The following PDS5B variants were observed in gnomAD, a reference collection of about 807,000 sequenced individuals.
PDS5B encodes sister chromatid cohesion protein PDS5 homolog B.
A neutral mutation model predicts 184.1 loss-of-function variants in PDS5B; 51 were observed. The observed-to-expected ratio is 0.28, with a 90% CI of 0.22 to 0.35. The LOEUF is 0.35. Ranked by LOEUF, PDS5B falls within the 10% of genes least tolerant of loss-of-function variation. The pLI is 1.00. For synonymous variants in PDS5B, 566 were observed against 569.2 expected, an observed-to-expected ratio of 0.99 and a Z score of 0.08; for missense variants, 1,180 against 1,723.3, an observed-to-expected ratio of 0.68 and a Z score of 5.58.
chr13:32,654,152 T>C (rs1950438932), intron 3 of PDS5B, among the ~76,000 whole-genome samples: 1 of 152,216 alleles, frequency 6.6e-6, no homozygotes, highest in Non-Finnish European at 1.5e-5. Context: ...GGGATAGTAC[T>C]TAAAATTACT....
intron 1 of PDS5B, among the ~76,000 whole-genome samples, chr13:32,618,640 T>C (rs2058252870): frequency 6.6e-6 from 1 of 152,232 alleles, no homozygotes; most frequent in African/African-American, 2.4e-5. Context: ...TTTTACTTTT[T>C]TTGGTGTCTT....
intron 1 of PDS5B, among the ~76,000 whole-genome samples, chr13:32,611,323 C>G (rs569726737): frequency 6.6e-6 from 1 of 152,136 alleles, no homozygotes; most frequent in African/African-American, 2.4e-5. Flanking sequence ...CCCTTCTCTT[C>G]TCTATGCCTG....
chr13:32,660,049 A>G (rs984530831), intron 6 of PDS5B, among the ~76,000 whole-genome samples: 8 of 152,168 alleles, frequency 5.3e-5, no homozygotes, highest in Non-Finnish European at 7.4e-5. Context: ...TTCAGATAAT[A>G]TATTTATTAA....
chr13:32,664,440 A>C (rs1473815341), intron 6 of PDS5B, among the ~76,000 whole-genome samples: 1 of 152,228 alleles, frequency 6.6e-6, no homozygotes, highest in East Asian at 1.9e-4. Flanking sequence ...TTATGTTGAA[A>C]ATTGTTATAA....
At chr13:32,660,465 G>A (rs570719507) in intron 6 of PDS5B, among the ~76,000 whole-genome samples, 2 of 100,350 alleles carry the variant, frequency 2.0e-5, no homozygotes, top group Non-Finnish European at 4.0e-5. Flanking sequence ...AATGCCCTAG[G>A]GAGGAGGACT....
intron 10 of PDS5B, among the ~76,000 whole-genome samples, chr13:32,680,792 T>C: frequency 6.6e-6 from 1 of 152,188 alleles, no homozygotes; most frequent in East Asian, 1.9e-4. Flanking sequence ...TTAGTTGTGA[T>C]TTTTAAATTG....
At chr13:32,689,709 A>G (rs932771048) in intron 13 of PDS5B, 9 of 152,172 alleles carry the variant, frequency 5.9e-5, no homozygotes, top group Non-Finnish European at 1.2e-4. Flanking sequence ...TTTTTCCACT[A>G]CACGTAGTAA....
rs942441083 is a variant in PDS5B at position 32,745,864 on chromosome 13, A to G, written c.2613-113A>G. 7 of 825,318 alleles carry G rather than the reference A, an allele frequency of 8.5e-6. No individual in the cohort carries two copies. The African/African-American group carries it at 1.0e-4, about 12-fold the overall frequency. The allele number at this position is 825,318 out of a possible 1,614,324, so 51.1% of individuals were successfully genotyped here. A position where few individuals can be genotyped will look rare whatever the true frequency, so the allele number is the denominator to read the frequency against. On this transcript the variant is annotated intron_variant, in intron 23 of 34. Transcript: ENST00000315596. ...TGGGGGACACAAACATTCAGATCAC[A>G]GCATTTTTTTTTAAACTTTTTTGTG...
chr13:32,652,915 T>A (rs1344156268), intron 3 of PDS5B, among the ~76,000 whole-genome samples: 1 of 152,180 alleles, frequency 6.6e-6, no homozygotes, highest in African/African-American at 2.4e-5. Flanking sequence ...AGGAAAATGC[T>A]GGTAGAAAGC....
intron 1 of PDS5B, among the ~76,000 whole-genome samples, chr13:32,644,397 A>C (rs907389001): frequency 2.6e-5 from 4 of 152,138 alleles, no homozygotes; most frequent in Admixed American, 2.6e-4. Context: ...GATGTTTTTT[A>C]CTTTTCATCC....
intron 21 of PDS5B, among the ~76,000 whole-genome samples, chr13:32,737,246 A>G (rs985084606): frequency 2.0e-5 from 3 of 152,138 alleles, no homozygotes; most frequent in African/African-American, 7.2e-5. Context: ...CTATCGTCAG[A>G]TCACTTCCAT....
At chr13:32,604,294 G>A (rs954045860) in intron 1 of PDS5B, among the ~76,000 whole-genome samples, 3 of 152,218 alleles carry the variant, frequency 2.0e-5, no homozygotes, top group African/African-American at 7.2e-5. Flanking sequence ...AAGGGCTGTT[G>A]AATTTTGTCA....
chr13:32,775,257 G>A lies in PDS5B; in HGVS notation c.*205G>A, dbSNP rs1341467405. On this transcript the variant is annotated 3_prime_UTR_variant, in exon 35 of 35. Transcript: ENST00000315596. Reference sequence around the variant, plus strand: ...ATGGTAACATTGACTATGGAGTCTTGTGAAAGTGTAATGTGCGATGGCTAT... The same window carrying A: ...ATGGTAACATTGACTATGGAGTCTTATGAAAGTGTAATGTGCGATGGCTAT... 11 of 570,360 alleles carry A rather than the reference G, an allele frequency of 1.9e-5. No homozygotes were observed. Among genetic ancestry groups the A allele is most frequent in the Non-Finnish European group, 3.4e-5 (11 of 321,106 alleles). The allele number at this position is 570,360 out of a possible 1,614,324, so 35.3% of individuals were successfully genotyped here.
At position 32,648,488 on chromosome 13, in the gene PDS5B, C is replaced by CTAT. The variant is rs887487834; in HGVS notation, c.-19-252_-19-250dup. Reference sequence around the variant, plus strand: ...TTATTTTTTATTTTTCTCTAGCTTACTATTATTATTATTATTTTTAGTTGG... The same window carrying CTAT: ...TTATTTTTTATTTTTCTCTAGCTTACTATTATTATTATTATTATTTTTAGTTGG... On this transcript the variant is annotated intron_variant, in intron 1 of 34. Transcript: ENST00000315596. 4.6e-5 allele frequency among the ~76,000 whole-genome samples: 7 copies of CTAT among 151,940 alleles called. No homozygotes were observed. In the East Asian group the frequency reaches 7.7e-4, roughly 17 times the overall value.
intron 8 of PDS5B, 60 bp from the exon 9 acceptor site, chr13:32,675,784 G>A (rs1052430103): frequency 7.6e-6 from 7 of 918,398 alleles, no homozygotes; most frequent in East Asian, 7.4e-5. Flanking sequence ...CAAAGAATGG[G>A]CAGCCTTATT....
intron 19 of PDS5B, among the ~76,000 whole-genome samples, chr13:32,722,389 C>A (rs1952748469): frequency 6.6e-6 from 1 of 152,040 alleles, no homozygotes; most frequent in Non-Finnish European, 1.5e-5. Flanking sequence ...CAACTTTTAT[C>A]TTTTACACCA....
chr13:32,740,947 G>A, intron 21 of PDS5B, 133 bp from the exon 22 acceptor site: 2 of 581,220 alleles, frequency 3.4e-6, no homozygotes, highest in Non-Finnish European at 3.1e-6. Flanking sequence ...GTTAGATGAA[G>A]TACTTTAGTC....
At chr13:32,586,990 C>CCCG (rs541950918) in intron 1 of PDS5B, among the ~76,000 whole-genome samples, 36,764 of 140,740 alleles carry the variant, frequency 0.26, 5,059 homozygotes, top group Admixed American at 0.38. Context: ...CCCGCGCCCT[C>CCCG]CCGCCGCCGC....
At chr13:32,758,357 G>A (rs1348718205) in intron 27 of PDS5B, 138 bp downstream of exon 27, 2 of 947,070 alleles carry the variant, frequency 2.1e-6, no homozygotes, top group Admixed American at 5.9e-5. Flanking sequence ...AGAATTAGCA[G>A]TAATTTTATT....
Sources: allele counts gnomAD v4.1 joint callset (sites outside exome capture counted in the v4.1 genomes callset), GRCh38; gene constraint gnomAD v4.1.1; transcripts MANE v1.5; gene names NCBI Gene and HGNC (gene_info 2026-07-23, HGNC 2026-07-21).